Variants in LRIG2 observed in about 807,000 individuals in gnomAD.
LRIG2 encodes leucine-rich repeats and immunoglobulin-like domains protein 2.
LRIG2 carries 93 observed loss-of-function variants against 107.8 expected under a neutral mutation model. The observed-to-expected ratio is 0.86, with a 90% CI of 0.73 to 1.03. The LOEUF is 1.03. Among genes scored for constraint, LRIG2 ranks in the 50% least tolerant of loss-of-function variants. The pLI, the probability that LRIG2 is intolerant of heterozygous loss-of-function variation, is 0.00. For missense variants in LRIG2, 1,226 were observed against 1,296.0 expected (o/e 0.95, Z 0.83); for synonymous variants, 471 against 470.6 (o/e 1.00, Z -0.01).
chr1:113,091,184 C>A, intron 1 of LRIG2, 134 bp from the exon 2 acceptor site: 1 of 506,720 alleles, frequency 2.0e-6, no homozygotes, highest in Non-Finnish European at 3.5e-6. Context: ...TCAGCCTCCC[C>A]AAGTGCCAGG....
chr1:113,107,540 C>T (rs905894731), intron 11 of LRIG2, 54 bp from the exon 12 acceptor site: 22 of 1,530,240 alleles, frequency 1.4e-5, no homozygotes, highest in African/African-American at 1.1e-4. Flanking sequence ...ATACTGAAGA[C>T]GTTTAGAATG....
chr1:113,083,677 G>A (rs1165754371), intron 1 of LRIG2, among the ~76,000 whole-genome samples: 2 of 151,782 alleles, frequency 1.3e-5, no homozygotes, highest in Non-Finnish European at 2.9e-5. Context: ...CAGATCTCAT[G>A]TGAACTCAGA....
At position 113,073,430 on chromosome 1, in the gene LRIG2, C is replaced by T; in HGVS notation, c.24C>T (p.Val8=). MAPAPLG[V]PEEQLLGCRS... Reference sequence around the variant, plus strand: ...AAATGGCGCCGGCGCCCCTAGGCGTCCCGGAGGAGCAGTTGCTGGGGTGTC... The same window carrying T: ...AAATGGCGCCGGCGCCCCTAGGCGTTCCGGAGGAGCAGTTGCTGGGGTGTC... Residue 8 remains valine, a synonymous_variant, in exon 1 of 18, where the codon GTC becomes GTT. Coordinates refer to ENST00000361127, the MANE Select transcript of LRIG2 (RefSeq NM_014813.3). 1 of 1,614,088 alleles carries T rather than the reference C, an allele frequency of 6.2e-7. No homozygotes were observed. The highest frequency in any genetic ancestry group is 1.1e-5 in the South Asian group (1 of 91,074).
At chr1:113,100,531 TC>T (rs1490657118) in intron 11 of LRIG2, 43 bp downstream of exon 11, 1 of 1,164,332 alleles carries the variant, frequency 8.6e-7, no homozygotes, top group Non-Finnish European at 1.3e-6. Context: ...GGATCATTGT[TC>T]CTGCTTGTTG....
intron 2 of LRIG2, among the ~76,000 whole-genome samples, chr1:113,092,846 G>T (rs1778027): frequency 6.6e-6 from 1 of 151,762 alleles, no homozygotes; most frequent in African/African-American, 2.4e-5. Flanking sequence ...AAAATTAGCC[G>T]GGCGTGGTGG....
chr1:113,096,506 G>A, intron 8 of LRIG2, 141 bp downstream of exon 8: 1 of 844,220 alleles, frequency 1.2e-6, no homozygotes, highest in South Asian at 1.8e-5. Flanking sequence ...CTCAGAGCAA[G>A]GCAGTCTTAT....
At chr1:113,106,604 A>G (rs1654550048) in intron 11 of LRIG2, among the ~76,000 whole-genome samples, 1 of 152,056 alleles carries the variant, frequency 6.6e-6, no homozygotes, top group South Asian at 2.1e-4. Flanking sequence ...TCCCGGGTTC[A>G]AGCAGTTCTC....
intron 8 of LRIG2, 83 bp from the exon 9 acceptor site, chr1:113,098,622 G>T: frequency 1.2e-6 from 1 of 822,550 alleles, no homozygotes; most frequent in South Asian, 1.4e-5. Context: ...TGTGTACCTT[G>T]ACATCACCAT....
At chr1:113,075,724 G>A (rs1021661432) in intron 1 of LRIG2, among the ~76,000 whole-genome samples, 16 of 132,044 alleles carry the variant, frequency 1.2e-4, no homozygotes, top group African/African-American at 3.7e-4. Context: ...AGATGGAGTC[G>A]CGCTCTTGTT....
chr1:113,128,123 T>C lies in LRIG2; in HGVS notation c.*4022T>C, dbSNP rs1655559153. ...AAACTCACATAATTTCTCAACTTTT[T>C]GCCAGAAAGTTGAGCATTTATTCAT... On this transcript the variant is annotated 3_prime_UTR_variant, in exon 18 of 18. Transcript: ENST00000361127. 1 of 152,212 alleles carries C rather than the reference T, an allele frequency of 6.6e-6. No homozygotes were observed. The highest frequency in any genetic ancestry group is 1.5e-5 in the Non-Finnish European group (1 of 68,036). 9.4% of individuals were successfully genotyped at this position (152,212 alleles called of 1,614,324 possible).
chr1:113,126,569 C>CCCTA lies in LRIG2; in HGVS notation c.*2470_*2473dup, dbSNP rs1655494059. ...TTCCATTATTAAGGATAAAATTGAT[C>CCCTA]CCTACATTGAATCTGAAATTACCAC... is the stretch of plus-strand genomic sequence containing the variant. On this transcript the variant is annotated 3_prime_UTR_variant, in exon 18 of 18. Coordinates refer to ENST00000361127, the MANE Select transcript of LRIG2 (RefSeq NM_014813.3). The CCCTA allele has an allele frequency of 6.6e-6, 1 of 152,208 alleles. No individual in the cohort carries two copies. The highest frequency in any genetic ancestry group is 1.5e-5 in the Non-Finnish European group (1 of 68,034). 9.4% of individuals were successfully genotyped at this position (152,208 alleles called of 1,614,324 possible). A position where few individuals can be genotyped will look rare whatever the true frequency, so the allele number is the denominator to read the frequency against.
intron 11 of LRIG2, among the ~76,000 whole-genome samples, chr1:113,102,389 C>T (rs537901672): frequency 7.9e-5 from 12 of 151,892 alleles, no homozygotes; most frequent in Non-Finnish European, 1.6e-4. Flanking sequence ...CTGCCTCAGC[C>T]CCCTGAGTAG....
In LRIG2 at chr1:113,093,576, A is replaced by G; in HGVS notation, c.515+12A>G. The G allele has an allele frequency of 7.3e-7, 1 of 1,366,700 alleles. No homozygotes were observed. The highest frequency in any genetic ancestry group is 1.6e-5 in the African/African-American group (1 of 64,428). The allele number at this position is 1,366,700 out of a possible 1,614,324, so 84.7% of individuals were successfully genotyped here. On this transcript the variant is annotated intron_variant, in intron 4 of 17. Transcript: ENST00000361127. Reference sequence around the variant, plus strand: ...CAGCTTAAATACCTGTAAGTAACACAGATTAAATTAGATTTACTTTAAAGC... The same window carrying G: ...CAGCTTAAATACCTGTAAGTAACACGGATTAAATTAGATTTACTTTAAAGC...
At chr1:113,084,437 G>T (rs1049475505) in intron 1 of LRIG2, among the ~76,000 whole-genome samples, 1 of 151,748 alleles carries the variant, frequency 6.6e-6, no homozygotes, top group African/African-American at 2.4e-5. Flanking sequence ...AGATGGTCTC[G>T]ATCTCCTGAC....
At chr1:113,074,331 G>A (rs754414974) in intron 1 of LRIG2, among the ~76,000 whole-genome samples, 8 of 152,154 alleles carry the variant, frequency 5.3e-5, no homozygotes, top group African/African-American at 2.4e-5. Flanking sequence ...TTGTGGCAAA[G>A]AACCCAAAAA....
intron 17 of LRIG2, among the ~76,000 whole-genome samples, chr1:113,120,193 T>C (rs934010501): frequency 1.3e-5 from 2 of 151,834 alleles, no homozygotes; most frequent in Non-Finnish European, 2.9e-5. Context: ...CTCACGCCTG[T>C]AATCTTAGCA....
chr1:113,092,249 C>T (rs940198175), intron 2 of LRIG2, among the ~76,000 whole-genome samples: 5 of 152,012 alleles, frequency 3.3e-5, no homozygotes, highest in Non-Finnish European at 5.9e-5. Context: ...CTTCTGGTTT[C>T]TTTTCTGTGT....
At chr1:113,111,919 T>C (rs965869690) in intron 13 of LRIG2, among the ~76,000 whole-genome samples, 1 of 152,188 alleles carries the variant, frequency 6.6e-6, no homozygotes, top group Admixed American at 6.6e-5. Context: ...GTGATTCTCC[T>C]GCCTCAGCCT....
Position 113,114,567 on chromosome 1 carries a change from C to T in LRIG2, c.2221C>T (p.Arg741Ter), listed in dbSNP as rs767815417. ...KDDGPLLVTE[R>*]HFFAAANQLL... Reference sequence around the variant, plus strand: ...TGATGGGCCTTTGCTGGTGACAGAACGACATTTCTTTGCTGCAGCCAATCA... The same window carrying T: ...TGATGGGCCTTTGCTGGTGACAGAATGACATTTCTTTGCTGCAGCCAATCA... Residue 741 changes from arginine (R) to a stop codon, truncating the protein, a stop_gained, in exon 15 of 18, where the codon CGA (arginine) becomes TGA (stop). Transcript: ENST00000361127. LOFTEE classifies it high-confidence loss of function. 3 of 1,614,012 alleles carry T rather than the reference C, an allele frequency of 1.9e-6. No homozygotes were observed. The highest frequency in any genetic ancestry group is 2.2e-5 in the East Asian group (1 of 44,878).
Sources: allele counts gnomAD v4.1 joint callset (sites outside exome capture counted in the v4.1 genomes callset), GRCh38; gene constraint gnomAD v4.1.1; transcripts MANE v1.5; gene names NCBI Gene and HGNC (gene_info 2026-07-23, HGNC 2026-07-21).